ANKRD13A: variants seen among roughly 807,000 people sequenced by gnomAD.
ANKRD13A encodes ankyrin repeat domain 13A.
Under a neutral mutation model 81.3 loss-of-function variants are expected in ANKRD13A, and 48 were observed. The observed-to-expected ratio is 0.59, with a 90% CI of 0.47 to 0.75. ANKRD13A has a LOEUF of 0.75. ANKRD13A is among the 30% of genes least tolerant of loss of function. The probability of loss-of-function intolerance (pLI) is 0.00; values close to 1 mark genes in which losing one functional copy is unlikely to be tolerated. For synonymous variants in ANKRD13A, 230 were observed against 270.1 expected (o/e 0.85, Z 1.45); for missense variants, 612 against 734.0 (o/e 0.83, Z 1.92).
chr12:110,026,348 C>T (rs566121592), intron 8 of ANKRD13A, among the ~76,000 whole-genome samples: 16 of 150,606 alleles, frequency 1.1e-4, no homozygotes, highest in African/African-American at 2.9e-4. Context: ...CCAATGTGGG[C>T]GAGTCACCTG....
Position 110,009,178 on chromosome 12 carries a change from T to G in ANKRD13A, c.97-2827T>G, listed in dbSNP as rs1890384750. Among the ~76,000 whole-genome samples the G allele has an allele frequency of 3.9e-5, 6 of 152,080 alleles. No homozygotes were observed. The South Asian group carries it at 1.3e-3, about 32-fold the overall frequency. On this transcript the variant is annotated intron_variant, in intron 1 of 14. Coordinates refer to ENST00000261739, the MANE Select transcript of ANKRD13A (RefSeq NM_033121.2). ...CTCACCACAACCTCCGCCTTCCGGG[T>G]TCAAGCAATTCTCCTGCCTCAGCCT...
At chr12:110,027,128 C>T (rs1279726730) in intron 8 of ANKRD13A, 1 of 152,530 alleles carries the variant, frequency 6.6e-6, no homozygotes, top group African/African-American at 2.4e-5. Flanking sequence ...CAAGCAAAAA[C>T]ATTGCATGTG....
chr12:110,016,314 C>A (rs1246784134), intron 3 of ANKRD13A, 74 bp from the exon 4 acceptor site: 9 of 1,109,600 alleles, frequency 8.1e-6, no homozygotes, highest in Middle Eastern at 2.1e-4. Flanking sequence ...TTTTTAAGAA[C>A]CCTGTTAACC....
intron 1 of ANKRD13A, among the ~76,000 whole-genome samples, chr12:110,008,488 T>C: frequency 6.6e-6 from 1 of 152,228 alleles, no homozygotes; most frequent in Non-Finnish European, 1.5e-5. Flanking sequence ...GTCATCAGGA[T>C]AATAGTGGGT....
At chr12:110,015,472 T>C (rs1890741254) in intron 3 of ANKRD13A, among the ~76,000 whole-genome samples, 2 of 152,242 alleles carry the variant, frequency 1.3e-5, no homozygotes, top group Admixed American at 6.5e-5. Context: ...TCTCTTACTG[T>C]TAGGAACCTG....
intron 1 of ANKRD13A, among the ~76,000 whole-genome samples, chr12:110,001,300 G>A (rs1259859344): frequency 6.6e-6 from 1 of 151,730 alleles, no homozygotes; most frequent in Non-Finnish European, 1.5e-5. Context: ...TTGTCTTATG[G>A]TTGACAAAAA....
Position 110,029,573 on chromosome 12 carries a change from A to G in ANKRD13A, c.1172A>G (p.His391Arg). ...GACCTAATGGCTCGAACGAGTGCTC[A>G]TTTTGCAAGACTGAGAGATTTCATC... ...IIDLMARTSA[H>R]FARLRDFIKL... The change falls in exon 11 of 15, where the codon CAT (histidine) becomes CGT (arginine). Residue 391 changes from histidine to arginine, a missense_variant. Coordinates refer to ENST00000261739, the MANE Select transcript of ANKRD13A (RefSeq NM_033121.2). 1.2e-6 allele frequency: 2 copies of G among 1,614,052 alleles called. No homozygotes were observed. Among genetic ancestry groups the G allele is most frequent in the Non-Finnish European group, 8.5e-7 (1 of 1,179,952 alleles).
chr12:110,000,987 C>T (rs911055355), intron 1 of ANKRD13A, among the ~76,000 whole-genome samples: 2 of 151,680 alleles, frequency 1.3e-5, no homozygotes, highest in African/African-American at 4.9e-5. Flanking sequence ...AAACTCCCGA[C>T]CTCAGGTGAT....
chr12:110,030,114 A>G (rs1891587958), intron 11 of ANKRD13A, among the ~76,000 whole-genome samples: 1 of 151,900 alleles, frequency 6.6e-6, no homozygotes, highest in Non-Finnish European at 1.5e-5. Flanking sequence ...TGATACTTGA[A>G]CCCTGGCTTG....
rs755919632 is a variant in ANKRD13A at position 110,033,989 on chromosome 12, C to T, written c.1509+32C>T. 7.0e-6 allele frequency: 11 copies of T among 1,569,728 alleles called. No individual in the cohort carries two copies. In the Admixed American group the frequency reaches 1.1e-4, roughly 16 times the overall value. On this transcript the variant is annotated intron_variant, in intron 13 of 14. Transcript: ENST00000261739. ...TTATCAGAATACTCTAATGGCAGGG[C>T]GTGGGAGGTCTTACCCTCTGGGTTA...
intron 6 of ANKRD13A, among the ~76,000 whole-genome samples, chr12:110,022,954 T>C (rs900782843): frequency 6.6e-6 from 1 of 152,208 alleles, no homozygotes; most frequent in Non-Finnish European, 1.5e-5. Context: ...TGGGCTAAAA[T>C]AGACACATAA....
chr12:110,008,047 G>A (rs192148728), intron 1 of ANKRD13A, among the ~76,000 whole-genome samples: 4 of 152,202 alleles, frequency 2.6e-5, no homozygotes, highest in Non-Finnish European at 4.4e-5. Context: ...TAGATATGGT[G>A]AAAGAGGACA....
rs749760165 is a variant in ANKRD13A, at chr12:110,027,785, C to A, written c.945+19C>A. On this transcript the variant is annotated intron_variant, in intron 9 of 14. Coordinates refer to ENST00000261739, the MANE Select transcript of ANKRD13A (RefSeq NM_033121.2). ...ACAAGGGGTAAGTTGAAGCAATGAG[C>A]TTTCATTGCAGTTAGATGAAAGGAA... is the stretch of plus-strand genomic sequence containing the variant. The A allele has an allele frequency of 6.2e-7, 1 of 1,612,466 alleles. No individual in the cohort carries two copies. Among genetic ancestry groups the A allele is most frequent in the Non-Finnish European group, 8.5e-7 (1 of 1,178,504 alleles).
In ANKRD13A at chr12:110,036,894, C is replaced by T. The variant is rs535047176; in HGVS notation, c.1578-465C>T. 2.0e-5 allele frequency among the ~76,000 whole-genome samples: 3 copies of T among 152,238 alleles called. No individual in the cohort carries two copies. The highest frequency in any genetic ancestry group is 1.9e-4 in the East Asian group (1 of 5,178). ...CACAGGTCAGTGCCATTGGGGGAAA[C>T]GTACTGAGTCAGTTTTTTCTGATTG... On this transcript the variant is annotated intron_variant, in intron 14 of 14. Transcript: ENST00000261739. This position sits in a 1 kb window ranked among gnomAD's most constrained non-coding sequence, Gnocchi z 4.6.
intron 13 of ANKRD13A, 88 bp downstream of exon 13, chr12:110,034,045 A>T (rs775821904): frequency 3.9e-6 from 5 of 1,290,856 alleles, no homozygotes; most frequent in Non-Finnish European, 5.1e-6. Flanking sequence ...TGAAAGATTT[A>T]TTCTAAATAT....
chr12:109,999,480 G>A lies in ANKRD13A; in HGVS notation c.-209G>A, dbSNP rs1231604295. 2 of 269,326 alleles carry A rather than the reference G, an allele frequency of 7.4e-6. No homozygotes were observed. Among genetic ancestry groups the A allele is most frequent in the Non-Finnish European group, 1.4e-5 (2 of 144,788 alleles). The allele number at this position is 269,326 out of a possible 1,614,324, so 16.7% of individuals were successfully genotyped here. A position where few individuals can be genotyped will look rare whatever the true frequency, so the allele number is the denominator to read the frequency against. ...GCGGGCGGGAACGCCGCGGGGCGCG[G>A]GGTGGGCGCGGCCGACCTGGTCCCT... On this transcript the variant is annotated 5_prime_UTR_variant, in exon 1 of 15. Coordinates refer to ENST00000261739, the MANE Select transcript of ANKRD13A (RefSeq NM_033121.2). This position sits in a 1 kb window ranked among gnomAD's most constrained non-coding sequence, Gnocchi z 4.3.
Position 110,030,386 on chromosome 12 carries a change from C to T in ANKRD13A, c.1235-259C>T, listed in dbSNP as rs536141625. Among the ~76,000 whole-genome samples the T allele has an allele frequency of 1.1e-4, 16 of 152,148 alleles. No individual in the cohort carries two copies. In the South Asian group the frequency reaches 1.7e-3, roughly 16 times the overall value. On this transcript the variant is annotated intron_variant, in intron 11 of 14. Coordinates refer to ENST00000261739, the MANE Select transcript of ANKRD13A (RefSeq NM_033121.2). Reference sequence around the variant, plus strand: ...TTTATCATGTTGGTTAGGCTGGTCTCGAACTCCTGACCTCAGGTGATCAGC... The same window carrying T: ...TTTATCATGTTGGTTAGGCTGGTCTTGAACTCCTGACCTCAGGTGATCAGC...
At position 110,037,493 on chromosome 12, in the gene ANKRD13A, G is replaced by A. The variant is rs1892136586; in HGVS notation, c.1712G>A (p.Arg571Gln). 1.9e-6 allele frequency: 3 copies of A among 1,614,046 alleles called. No individual in the cohort carries two copies. The highest frequency in any genetic ancestry group is 8.5e-7 in the Non-Finnish European group (1 of 1,180,032). ...SAKELEEWEL[R>Q]LQEEEAELQQ... ...AAAGAGCTGGAGGAATGGGAGCTCC[G>A]GCTCCAGGAGGAAGAGGCTGAGCTC... Residue 571 changes from arginine (R) to glutamine (Q), a missense_variant, in exon 15 of 15, where the codon CGG (arginine) becomes CAG (glutamine). Arg to Gln is a conservative substitution (Grantham distance 43). Coordinates refer to ENST00000261739, the MANE Select transcript of ANKRD13A (RefSeq NM_033121.2).
intron 12 of ANKRD13A, 110 bp from the exon 13 acceptor site, chr12:110,033,683 CTTGA>C (rs1210682313): frequency 3.9e-6 from 4 of 1,019,852 alleles, no homozygotes; most frequent in South Asian, 2.1e-5. Flanking sequence ...AATAGTAAGC[CTTGA>C]TTGTTATAAT....
Sources: allele counts gnomAD v4.1 joint callset (sites outside exome capture counted in the v4.1 genomes callset), GRCh38; gene constraint gnomAD v4.1.1; non-coding constraint Gnocchi (gnomAD v3.1); transcripts MANE v1.5; gene names NCBI Gene and HGNC (gene_info 2026-07-23, HGNC 2026-07-21).